LRRC4C: variants seen among roughly 807,000 people sequenced by gnomAD.
LRRC4C encodes the protein leucine rich repeat containing 4C.
In LRRC4C, 5 loss-of-function variants were observed where a neutral mutation model predicts 33.6. The ratio of observed to expected loss-of-function variants is 0.15; its 90% confidence interval spans 0.08 to 0.31. The LOEUF is 0.31. LRRC4C is among the 10% of genes least tolerant of loss of function. The probability of loss-of-function intolerance (pLI) is 1.00; values close to 1 mark genes in which losing one functional copy is unlikely to be tolerated. For synonymous variants in LRRC4C, 329 were observed against 302.0 expected (o/e 1.09, Z -0.93); for missense variants, 560 against 796.7 (o/e 0.70, Z 3.58).
chr11:40,396,163 A>G (rs919022567), intron 3 of LRRC4C, among the ~76,000 whole-genome samples: 8 of 152,090 alleles, frequency 5.3e-5, no homozygotes, highest in African/African-American at 1.9e-4. Context: ...TCTATTCTTC[A>G]CATTAAGAAA....
At chr11:41,026,931 GATTT>G (rs1479812875) in intron 1 of LRRC4C, among the ~76,000 whole-genome samples, 7 of 151,548 alleles carry the variant, frequency 4.6e-5, no homozygotes, top group African/African-American at 1.7e-4. Context: ...TTTGCAACTG[GATTT>G]ATTAAGATAC....
At chr11:41,414,409 T>A (rs1484629937) in intron 1 of LRRC4C, among the ~76,000 whole-genome samples, 1 of 152,150 alleles carries the variant, frequency 6.6e-6, no homozygotes, top group Non-Finnish European at 1.5e-5. Context: ...AAGTCTGGTG[T>A]CACAAGACAG....
At chr11:40,371,832 A>G (rs1391579764) in intron 3 of LRRC4C, among the ~76,000 whole-genome samples, 1 of 152,306 alleles carries the variant, frequency 6.6e-6, no homozygotes. Context: ...GAGGCTCCCA[A>G]CTGGACAACA....
At chr11:40,144,249 A>G (rs2135019386) in intron 5 of LRRC4C, among the ~76,000 whole-genome samples, 1 of 152,334 alleles carries the variant, frequency 6.6e-6, no homozygotes, top group African/African-American at 2.4e-5. Context: ...ATTATCTGAG[A>G]GTTAATTTCT....
chr11:41,200,136 T>G (rs1694604619), intron 1 of LRRC4C, among the ~76,000 whole-genome samples: 2 of 152,104 alleles, frequency 1.3e-5, no homozygotes, highest in African/African-American at 4.8e-5. Context: ...GTTCAATTCT[T>G]TGATGTATGC....
At chr11:40,939,708 T>G (rs1007519262) in intron 1 of LRRC4C, among the ~76,000 whole-genome samples, 12 of 152,188 alleles carry the variant, frequency 7.9e-5, no homozygotes, top group African/African-American at 2.7e-4. Context: ...TCACTGAGAA[T>G]GCAGCAAAGT....
chr11:41,184,388 AT>A, intron 1 of LRRC4C, among the ~76,000 whole-genome samples: 1 of 152,132 alleles, frequency 6.6e-6, no homozygotes, highest in Non-Finnish European at 1.5e-5. Flanking sequence ...CTGCTTAGAA[AT>A]TTCCTCTGCC....
chr11:41,090,786 C>T (rs966745456), intron 1 of LRRC4C, among the ~76,000 whole-genome samples: 1 of 152,048 alleles, frequency 6.6e-6, no homozygotes, highest in Non-Finnish European at 1.5e-5. Flanking sequence ...AGGCAGTTAT[C>T]CCTGCTCTTA....
chr11:41,281,042 T>TCTCTCTCTCTCTCTC (rs1949647009), intron 1 of LRRC4C, among the ~76,000 whole-genome samples: 1 of 76,194 alleles, frequency 1.3e-5, no homozygotes, highest in Non-Finnish European at 2.3e-5. Context: ...AATACATATT[T>TCTCTCTCTCTCTCTC]TCTCTCTCTC....
intron 5 of LRRC4C, among the ~76,000 whole-genome samples, chr11:40,188,836 C>G (rs1861612862): frequency 6.6e-6 from 1 of 152,086 alleles, no homozygotes; most frequent in Non-Finnish European, 1.5e-5. Context: ...GATGCAGAAA[C>G]AGTTGACATA....
chr11:41,074,797 G>A (rs558243387), intron 1 of LRRC4C, among the ~76,000 whole-genome samples: 2 of 152,088 alleles, frequency 1.3e-5, no homozygotes, highest in Admixed American at 6.6e-5. Context: ...TTATGGAGTA[G>A]CATTATTTCA....
At chr11:40,947,503 A>AT (rs928952562) in intron 1 of LRRC4C, among the ~76,000 whole-genome samples, 4 of 151,920 alleles carry the variant, frequency 2.6e-5, no homozygotes, top group African/African-American at 7.3e-5. Context: ...GAATCATGAG[A>AT]TTTTCTACTC....
intron 1 of LRRC4C, among the ~76,000 whole-genome samples, chr11:41,424,956 A>AAC (rs1457558877): frequency 1.3e-5 from 2 of 152,134 alleles, no homozygotes; most frequent in Admixed American, 1.3e-4. Flanking sequence ...TATAGTATTA[A>AAC]ACATTAATTT....
At chr11:40,650,208 A>C (rs1471411425) in intron 2 of LRRC4C, among the ~76,000 whole-genome samples, 1 of 152,198 alleles carries the variant, frequency 6.6e-6, no homozygotes, top group Admixed American at 6.5e-5. Flanking sequence ...GTTTTGGACT[A>C]AACTCCTGCA....
At chr11:40,501,816 C>T (rs760322032) in intron 3 of LRRC4C, among the ~76,000 whole-genome samples, 72 of 152,188 alleles carry the variant, frequency 4.7e-4, no homozygotes, top group Non-Finnish European at 7.5e-4. Context: ...CTCTGTGTTA[C>T]TTATGCAAGT....
intron 1 of LRRC4C, among the ~76,000 whole-genome samples, chr11:40,971,987 T>A (rs2136999357): frequency 6.6e-6 from 1 of 152,274 alleles, no homozygotes; most frequent in South Asian, 2.1e-4. Context: ...TGTACCTCCA[T>A]TGTATCTTTG....
chr11:40,698,860 C>A (rs530598624), intron 2 of LRRC4C, among the ~76,000 whole-genome samples: 1 of 152,158 alleles, frequency 6.6e-6, no homozygotes, highest in South Asian at 2.1e-4. Flanking sequence ...TCTCTTGAGA[C>A]GTATTCACTA....
intron 1 of LRRC4C, among the ~76,000 whole-genome samples, chr11:41,010,059 T>C (rs1855062312): frequency 1.3e-5 from 2 of 151,868 alleles, no homozygotes; most frequent in African/African-American, 4.8e-5. Context: ...ATGCCAAAAA[T>C]TGTCAGCAAA....
intron 3 of LRRC4C, among the ~76,000 whole-genome samples, chr11:40,361,026 G>A (rs2137167727): frequency 6.6e-6 from 1 of 152,226 alleles, no homozygotes; most frequent in Middle Eastern, 3.4e-3. Flanking sequence ...TGCAGAAAAG[G>A]TTTTTGATAT....
Sources: gnomAD v4.1 joint callset for allele counts (sites outside exome capture counted in the v4.1 genomes callset) on GRCh38, gnomAD v4.1.1 for gene constraint, MANE v1.5 for transcripts, NCBI Gene and HGNC (gene_info 2026-07-23, HGNC 2026-07-21) for gene names.